MSRA: variants seen among roughly 807,000 people sequenced by gnomAD.
MSRA encodes the protein methionine sulfoxide reductase A.
In MSRA, 54 loss-of-function variants were observed where a neutral mutation model predicts 31.3. That is an observed-to-expected ratio of 1.73 (90% CI 1.39 to 2.17). MSRA has a LOEUF of 2.17. Ranked by LOEUF, MSRA falls within the 30% of genes most tolerant of loss-of-function variation. MSRA has a pLI of 0.00. For missense variants in MSRA, 507 were observed against 300.9 expected (o/e 1.69, Z -5.07); for synonymous variants, 169 against 116.5 (o/e 1.45, Z -2.90).
At chr8:10,238,327 G>A (rs1193005231) in intron 2 of MSRA, among the ~76,000 whole-genome samples, 1 of 152,130 alleles carries the variant, frequency 6.6e-6, no homozygotes, top group African/African-American at 2.4e-5. Flanking sequence ...TCTCTGACCT[G>A]CTCTGCTTTT....
chr8:10,174,004 A>G (rs1413956714), intron 1 of MSRA, among the ~76,000 whole-genome samples: 3 of 152,074 alleles, frequency 2.0e-5, no homozygotes, highest in Non-Finnish European at 1.5e-5. Context: ...ACAAGACAAG[A>G]TGTGAGGACT....
At chr8:10,246,761 G>C (rs992346827) in intron 3 of MSRA, among the ~76,000 whole-genome samples, 2 of 152,158 alleles carry the variant, frequency 1.3e-5, no homozygotes, top group African/African-American at 2.4e-5. Flanking sequence ...GAGAAGGATT[G>C]AAATATTCTG....
chr8:10,296,056 G>A (rs550802816), intron 3 of MSRA, among the ~76,000 whole-genome samples: 33 of 152,280 alleles, frequency 2.2e-4, no homozygotes, highest in African/African-American at 5.8e-4. Flanking sequence ...TGAGAAATGC[G>A]ATTTTTCCCT....
chr8:10,173,114 C>T (rs1258264496), intron 1 of MSRA, among the ~76,000 whole-genome samples: 2 of 152,250 alleles, frequency 1.3e-5, no homozygotes, highest in Admixed American at 6.5e-5. Context: ...CTGGGTCTTA[C>T]AGCCCTTTTT....
chr8:10,207,276 A>C (rs1286720236), intron 1 of MSRA, among the ~76,000 whole-genome samples: 1 of 152,156 alleles, frequency 6.6e-6, no homozygotes, highest in Non-Finnish European at 1.5e-5. Context: ...GCACTGGAAT[A>C]TCTCTCTGGC....
intron 1 of MSRA, among the ~76,000 whole-genome samples, chr8:10,151,515 T>C (rs1803677718): frequency 6.6e-6 from 1 of 152,068 alleles, no homozygotes; most frequent in Non-Finnish European, 1.5e-5. Flanking sequence ...CCGGGCGTGT[T>C]GGCAGGTGCC....
At chr8:10,097,884 T>G (rs573569802) in intron 1 of MSRA, among the ~76,000 whole-genome samples, 3 of 152,286 alleles carry the variant, frequency 2.0e-5, no homozygotes, top group Non-Finnish European at 4.4e-5. Context: ...TAAAATTTGA[T>G]AAATACTAGC....
chr8:10,314,247 A>G (rs757047144), intron 4 of MSRA, among the ~76,000 whole-genome samples: 1 of 152,216 alleles, frequency 6.6e-6, no homozygotes, highest in Non-Finnish European at 1.5e-5. Flanking sequence ...CAAATTGCCA[A>G]GAACAGAGAG....
At chr8:10,414,893 C>T (rs1462346553) in intron 5 of MSRA, among the ~76,000 whole-genome samples, 1 of 152,174 alleles carries the variant, frequency 6.6e-6, no homozygotes, top group Non-Finnish European at 1.5e-5. Flanking sequence ...GAGATCTATA[C>T]AAAGACAGGG....
chr8:10,144,796 C>T (rs1803000421), intron 1 of MSRA, among the ~76,000 whole-genome samples: 2 of 152,042 alleles, frequency 1.3e-5, no homozygotes, highest in South Asian at 2.1e-4. Flanking sequence ...ACAGCTGGCT[C>T]ATCAGAGGTG....
At chr8:10,350,903 G>T (rs944785597) in intron 5 of MSRA, among the ~76,000 whole-genome samples, 11 of 152,234 alleles carry the variant, frequency 7.2e-5, no homozygotes, top group Non-Finnish European at 1.3e-4. Context: ...CAAGTCCAAG[G>T]CCGCCAGAGG....
intron 5 of MSRA, among the ~76,000 whole-genome samples, chr8:10,388,824 A>T (rs1393605228): frequency 2.6e-5 from 4 of 151,436 alleles, no homozygotes; most frequent in African/African-American, 9.7e-5. Context: ...CGCTGGTTTG[A>T]CCTACTAGAT....
intron 1 of MSRA, among the ~76,000 whole-genome samples, chr8:10,192,481 A>G (rs540783811): frequency 6.6e-6 from 1 of 152,312 alleles, no homozygotes; most frequent in East Asian, 1.9e-4. Context: ...TTCTAATAAG[A>G]AATTAGACCA....
At chr8:10,205,840 AC>A (rs1481949551) in intron 1 of MSRA, among the ~76,000 whole-genome samples, 4 of 152,170 alleles carry the variant, frequency 2.6e-5, no homozygotes, top group African/African-American at 7.2e-5. Flanking sequence ...GTGTTTCCTT[AC>A]CATTATCCCA....
chr8:10,230,312 A>G (rs898834174), intron 2 of MSRA, among the ~76,000 whole-genome samples: 4 of 152,184 alleles, frequency 2.6e-5, no homozygotes, highest in African/African-American at 9.6e-5. Flanking sequence ...GACTTAAGGG[A>G]GAAGGTTATA....
rs146550927 is a variant in MSRA, at chr8:10,397,152, C to T, written c.544-30996C>T. 8.0e-4 allele frequency among the ~76,000 whole-genome samples: 122 copies of T among 152,318 alleles called. 1 individual carries two copies. The highest frequency in any genetic ancestry group is 2.7e-3 in the African/African-American group (111 of 41,582). On this transcript the variant is annotated intron_variant, in intron 5 of 5. Transcript: ENST00000317173. ...AGGTGTGGGCTTCACCTTTGTCTCCCGGCTTGACCTTCTGCTAGAATGTAT... is the reference window on the plus strand; with the variant it reads ...AGGTGTGGGCTTCACCTTTGTCTCCTGGCTTGACCTTCTGCTAGAATGTAT...
intron 3 of MSRA, among the ~76,000 whole-genome samples, chr8:10,278,339 A>G (rs1371729085): frequency 1.3e-5 from 2 of 152,216 alleles, no homozygotes; most frequent in Non-Finnish European, 2.9e-5. Context: ...GAATTGGACC[A>G]CCTGCCATCA....
intron 3 of MSRA, among the ~76,000 whole-genome samples, chr8:10,249,745 A>T (rs1797819907): frequency 2.0e-5 from 3 of 152,114 alleles, no homozygotes; most frequent in South Asian, 4.2e-4. Flanking sequence ...TCTCTAAGAG[A>T]TGTGCTGAGA....
At chr8:10,253,711 A>G (rs1798032110) in intron 3 of MSRA, among the ~76,000 whole-genome samples, 1 of 151,520 alleles carries the variant, frequency 6.6e-6, no homozygotes, top group Non-Finnish European at 1.5e-5. Flanking sequence ...ATCACATCTA[A>G]TGGAGCCATA....
Sources: allele counts gnomAD v4.1 joint callset (sites outside exome capture counted in the v4.1 genomes callset), GRCh38; gene constraint gnomAD v4.1.1; transcripts MANE v1.5; gene names NCBI Gene and HGNC (gene_info 2026-07-23, HGNC 2026-07-21).